NOTCH4: variants seen among roughly 807,000 people sequenced by gnomAD.
NOTCH4 encodes notch receptor 4, also known as neurogenic locus notch homolog protein 4.
In NOTCH4, 138 loss-of-function variants were observed where a neutral mutation model predicts 189.0. The ratio of observed to expected loss-of-function variants is 0.73; its 90% CI spans 0.64 to 0.84. NOTCH4 has a LOEUF of 0.84. Ranked by LOEUF, NOTCH4 falls within the 40% of genes least tolerant of loss-of-function variation. NOTCH4 has a pLI of 0.00. For synonymous variants in NOTCH4, 942 were observed against 1,032.8 expected, an observed-to-expected ratio of 0.91 and a Z score of 1.69; for missense variants, 2,286 against 2,605.4, an observed-to-expected ratio of 0.88 and a Z score of 2.67.
At chr6:32,216,779 C>T (rs757260437) in intron 11 of NOTCH4, 166 bp downstream of exon 11, 24 of 875,482 alleles carry the variant, frequency 2.7e-5, no homozygotes, top group Admixed American at 3.9e-5. Flanking sequence ...CTGCCCTTGT[C>T]CCCATGGTTG....
rs1221492209 is a variant in NOTCH4 at position 32,222,660 on chromosome 6, A to G, written c.302T>C (p.Phe101Ser). Residue 101 changes from phenylalanine to serine, a missense_variant, in exon 3 of 30, where the codon TTC (phenylalanine) becomes TCC (serine). Phe to Ser is a radical substitution (Grantham distance 155). Coordinates refer to ENST00000375023, the MANE Select transcript of NOTCH4 (RefSeq NM_004557.4). ...PSSPSPLTPSFLCTCLPGFTG... is the reference protein window; with the variant it reads ...PSSPSPLTPSSLCTCLPGFTG... ...GAAGCCAGGGAGGCAAGTGCACAAGAAGCTGGGTGTCAATGGAGAGGGAGA... is the reference window on the plus strand; with the variant it reads ...GAAGCCAGGGAGGCAAGTGCACAAGGAGCTGGGTGTCAATGGAGAGGGAGA... The G allele has an allele frequency of 6.2e-7, 1 of 1,605,126 alleles. No homozygotes were observed. Among genetic ancestry groups the G allele is most frequent in the South Asian group, 1.1e-5 (1 of 89,850 alleles).
At chr6:32,222,279 G>C (rs1458180356) in intron 3 of NOTCH4, among the ~76,000 whole-genome samples, 3 of 152,222 alleles carry the variant, frequency 2.0e-5, no homozygotes, top group Non-Finnish European at 4.4e-5. Flanking sequence ...GCACAAAGGG[G>C]GCTCATGGCA....
chr6:32,196,665 C>T (rs1009060447), intron 28 of NOTCH4, among the ~76,000 whole-genome samples: 1 of 152,074 alleles, frequency 6.6e-6, no homozygotes, highest in Non-Finnish European at 1.5e-5. Context: ...TCTCCCCCCA[C>T]GAGATTCCCC....
In NOTCH4 at chr6:32,223,917, A is replaced by G; in HGVS notation, c.12T>C (p.Pro4=). 1 of 1,492,554 alleles carries G rather than the reference A, an allele frequency of 6.7e-7. No individual in the cohort carries two copies. 92.5% of individuals were successfully genotyped at this position (1,492,554 alleles called of 1,614,324 possible). A position where few individuals can be genotyped will look rare whatever the true frequency, so the allele number is the denominator to read the frequency against. Residue 4 remains proline (P), a synonymous_variant, in exon 1 of 30, where the codon CCT becomes CCC. Transcript: ENST00000375023. ...GCAGCAGCAGCAGCAGCAGCAGTGA[A>G]GGGGGCTGCATTCCACAGCCCCTTC... is the stretch of plus-strand genomic sequence containing the variant. The part of the protein sequence containing the change: MQP[P]SLLLLLLLLL...
chr6:32,196,988 C>T lies in NOTCH4; in HGVS notation c.5137G>A (p.Val1713Met), dbSNP rs1292012052. The stretch of plus-strand genomic sequence containing the variant: ...ATCAGTTCTTCAACCAGGTCTTCCA[C>T]CGCCAGCCTGGCAGCCAGCATCAAG... ...TPLMLAARLA[V>M]EDLVEELIAA... is the part of the protein sequence containing the mutation. Residue 1713 changes from valine to methionine, a missense_variant, in exon 28 of 30, where the codon GTG (valine) becomes ATG (methionine). Val to Met is a conservative substitution (Grantham distance 21). Transcript: ENST00000375023. The T allele has an allele frequency of 6.2e-7, 1 of 1,613,038 alleles. No individual in the cohort carries two copies. The highest frequency in any genetic ancestry group is 2.2e-5 in the East Asian group (1 of 44,888).
rs767054681 is a variant in NOTCH4, at chr6:32,204,134, C to T, written c.3118+3G>A. 52 of 1,612,262 alleles carry T rather than the reference C, an allele frequency of 3.2e-5. No individual in the cohort carries two copies. The highest frequency in any genetic ancestry group is 3.8e-5 in the Non-Finnish European group (45 of 1,179,886). ...ACTTGTGCCCCTTGTCTTGGGGCCT[C>T]ACCTGTGTGTCCAGGCAGACACTGG... On this transcript the variant is annotated splice_donor_region_variant and intron_variant, in intron 19 of 29. Transcript: ENST00000375023.
At chr6:32,223,806 A>C (rs1789949380) in intron 1 of NOTCH4, 50 bp downstream of exon 1, 1 of 1,571,764 alleles carries the variant, frequency 6.4e-7, no homozygotes, top group South Asian at 1.1e-5. Context: ...CCCACTGATC[A>C]TCCTCCTAAG....
rs1561920915 is a variant in NOTCH4 at position 32,202,325 on chromosome 6, CG to C, written c.3505del (p.Arg1169GlyfsTer135). The C allele has an allele frequency of 1.2e-6, 2 of 1,612,586 alleles. No homozygotes were observed. Reference sequence around the variant, plus strand: ...CCCCTTGGCTCCGGGTTTCTGACACCGGGGCCCTGGAGAGCTGTGAGGGCAG... The same window carrying C: ...CCCCTTGGCTCCGGGTTTCTGACACCGGGCCCTGGAGAGCTGTGAGGGCAG... Reference protein sequence around the residue: ...CSCPHSSPGPRCQKPGAKGCE... With the variant: ...CSCPHSSPGPXCQKPGAKGCE... On this transcript the variant is annotated frameshift_variant, in exon 21 of 30. Coordinates refer to ENST00000375023, the MANE Select transcript of NOTCH4 (RefSeq NM_004557.4). LOFTEE classifies it high-confidence loss of function. The surrounding 1 kb of genome is among the most constrained non-coding windows in gnomAD (Gnocchi z 5.7).
intron 13 of NOTCH4, 86 bp from the exon 14 acceptor site, chr6:32,213,926 A>C: frequency 6.6e-7 from 1 of 1,520,244 alleles, no homozygotes; most frequent in Non-Finnish European, 9.0e-7. Context: ...TCCCTTCCTC[A>C]TCCCCAACCC....
intron 4 of NOTCH4, 46 bp downstream of exon 4, chr6:32,220,932 C>T (rs977149503): frequency 6.3e-7 from 1 of 1,598,542 alleles, no homozygotes; most frequent in African/African-American, 1.3e-5. Flanking sequence ...GACATCCTGC[C>T]CTGCCCAGAG....
Position 32,212,691 on chromosome 6 carries a change from T to C in NOTCH4, c.2527-64A>G. 6.5e-7 allele frequency: 1 copy of C among 1,546,294 alleles called. No homozygotes were observed. Among genetic ancestry groups the C allele is most frequent in the Non-Finnish European group, 8.8e-7 (1 of 1,140,254 alleles). On this transcript the variant is annotated intron_variant, in intron 16 of 29. Transcript: ENST00000375023. This position sits in a 1 kb window ranked among gnomAD's most constrained non-coding sequence, Gnocchi z 4.4. ...CAGATTCTCAGCCCAGAGATGGTCC[T>C]CTGCCCACTCCAGCTCCTCGAAATC...
Position 32,202,175 on chromosome 6 carries a change from C to G in NOTCH4, c.3656G>C (p.Arg1219Pro), listed in dbSNP as rs151325272. The G allele has an allele frequency of 6.6e-6, 10 of 1,525,040 alleles. No individual in the cohort carries two copies. Among genetic ancestry groups the G allele is most frequent in the Non-Finnish European group, 8.8e-6 (10 of 1,136,872 alleles). The allele number at this position is 1,525,040 out of a possible 1,614,324, so 94.5% of individuals were successfully genotyped here. The change falls in exon 21 of 30, where the codon CGG (arginine) becomes CCG (proline). Residue 1219 changes from arginine (R) to proline (P), a missense_variant. By Grantham distance (103) the Arg-to-Pro change is moderately radical. Transcript: ENST00000375023. The surrounding 1 kb of genome is among the most constrained non-coding windows in gnomAD (Gnocchi z 5.7). The stretch of plus-strand genomic sequence containing the variant: ...CCCGTCCCGGAAGAGAAGCCAGCAC[C>G]GAGAGTGGGAGGGGCAGCCCTTCCA... Reference protein sequence around the residue: ...DPWKGCPSHSRCWLLFRDGQC... With the variant: ...DPWKGCPSHSPCWLLFRDGQC...
intron 1 of NOTCH4, among the ~76,000 whole-genome samples, chr6:32,223,640 C>T (rs913439425): frequency 5.3e-5 from 8 of 152,058 alleles, no homozygotes; most frequent in African/African-American, 1.4e-4. Flanking sequence ...GGCACCCTCT[C>T]ACCCATCCCC....
At position 32,217,910 on chromosome 6, in the gene NOTCH4, G is replaced by T. The variant is rs1789514508; in HGVS notation, c.1624+85C>A. ...TTGGCTTGGCTAGAGAGAGCTTCAA[G>T]TGGCCTTGGGTGATTGCTGAGCCTG... On this transcript the variant is annotated intron_variant, in intron 9 of 29. Transcript: ENST00000375023. The surrounding 1 kb of genome is among the most constrained non-coding windows in gnomAD (Gnocchi z 4.2). 2 of 847,692 alleles carry T rather than the reference G, an allele frequency of 2.4e-6. No homozygotes were observed. Among genetic ancestry groups the T allele is most frequent in the African/African-American group, 3.4e-5 (2 of 59,690 alleles). The allele number at this position is 847,692 out of a possible 1,614,324, so 52.5% of individuals were successfully genotyped here. A position where few individuals can be genotyped will look rare whatever the true frequency, so the allele number is the denominator to read the frequency against.
rs763567236 is a variant in NOTCH4, at chr6:32,204,128, G to A, written c.3118+9C>T. ...AGACACACTTGTGCCCCTTGTCTTG[G>A]GGCCTCACCTGTGTGTCCAGGCAGA... is the stretch of plus-strand genomic sequence containing the variant. On this transcript the variant is annotated intron_variant, in intron 19 of 29. Transcript: ENST00000375023. 1 of 1,611,904 alleles carries A rather than the reference G, an allele frequency of 6.2e-7. No individual in the cohort carries two copies. The highest frequency in any genetic ancestry group is 1.7e-5 in the Admixed American group (1 of 59,962).
rs1324610840 is a variant in NOTCH4, at chr6:32,212,160, G to T, written c.2680+314C>A. 6.6e-6 allele frequency among the ~76,000 whole-genome samples: 1 copy of T among 152,198 alleles called. No individual in the cohort carries two copies. Among genetic ancestry groups the T allele is most frequent in the African/African-American group, 2.4e-5 (1 of 41,450 alleles). On this transcript the variant is annotated intron_variant, in intron 17 of 29. Coordinates refer to ENST00000375023, the MANE Select transcript of NOTCH4 (RefSeq NM_004557.4). The surrounding 1 kb of genome is among the most constrained non-coding windows in gnomAD (Gnocchi z 4.4). ...ATTAAGTGTGGTCCACTCTGCCTGG[G>T]TTATGATGATCAGGACAGAGTTGAG...
intron 13 of NOTCH4, 90 bp from the exon 14 acceptor site, chr6:32,213,930 C>G: frequency 6.6e-7 from 1 of 1,516,070 alleles, no homozygotes; most frequent in Non-Finnish European, 9.0e-7. Context: ...TTCCTCATCC[C>G]CAACCCTATT....
rs764321842 is a variant in NOTCH4, at chr6:32,220,984, G to A, written c.793C>T (p.Pro265Ser). The A allele has an allele frequency of 1.9e-6, 3 of 1,600,926 alleles. No individual in the cohort carries two copies. The highest frequency in any genetic ancestry group is 2.7e-5 in the African/African-American group (2 of 74,698). ...AGCCCCTGTGAGGACACACCTGGGG[G>A]ACAGAGGCAGAGGTGAAAGGTGGAG... is the stretch of plus-strand genomic sequence containing the variant. ...KDSTFHLCLC[P>S]PGFIGPDCEV... Residue 265 changes from proline to serine, a missense_variant, in exon 4 of 30, where the codon CCC (proline) becomes TCC (serine). Pro to Ser is a moderately conservative substitution (Grantham distance 74). This residue lies in a region of NOTCH4 where 1,903 missense variants were observed against 2,261.9 expected (regional missense o/e 0.84). Transcript: ENST00000375023.
Position 32,219,731 on chromosome 6 carries a change from G to A in NOTCH4, c.1371C>T (p.Gly457=). The A allele has an allele frequency of 1.9e-6, 3 of 1,613,072 alleles. No individual in the cohort carries two copies. Among genetic ancestry groups the A allele is most frequent in the Non-Finnish European group, 1.7e-6 (2 of 1,179,962 alleles). Residue 457 remains glycine, a synonymous_variant, in exon 8 of 30, where the codon GGC becomes GGT. Transcript: ENST00000375023. ...CAGGTGGACAGAGGCAGTTGAAGGAGCCAGGAGTGTTGAGGCAGGAACCGC... is the reference window on the plus strand; with the variant it reads ...CAGGTGGACAGAGGCAGTTGAAGGAACCAGGAGTGTTGAGGCAGGAACCGC... The part of the protein sequence containing the change: ...EHGGSCLNTP[G]SFNCLCPPGY...
Sources: allele counts gnomAD v4.1 joint callset (sites outside exome capture counted in the v4.1 genomes callset), GRCh38; gene constraint gnomAD v4.1.1; regional missense constraint gnomAD v4.1.1; non-coding constraint Gnocchi (gnomAD v3.1); transcripts MANE v1.5; gene names NCBI Gene and HGNC (gene_info 2026-07-23, HGNC 2026-07-21).